Variants in HS6ST3 observed in about 807,000 individuals in gnomAD.
HS6ST3 encodes the protein heparan-sulfate 6-O-sulfotransferase 3.
A neutral mutation model predicts 36.7 loss-of-function variants in HS6ST3; 12 were observed. The ratio of observed to expected loss-of-function variants is 0.33; its 90% CI spans 0.21 to 0.53. The LOEUF (loss-of-function observed/expected upper bound fraction) is 0.53. HS6ST3 is among the 20% of genes least tolerant of loss of function. HS6ST3 has a pLI of 0.95. For synonymous variants in HS6ST3, 240 were observed against 257.5 expected, an observed-to-expected ratio of 0.93 and a Z score of 0.65; for missense variants, 584 against 640.9, an observed-to-expected ratio of 0.91 and a Z score of 0.96.
intron 1 of HS6ST3, among the ~76,000 whole-genome samples, chr13:96,795,004 A>T (rs1877875700): frequency 6.6e-6 from 1 of 152,044 alleles, no homozygotes; most frequent in African/African-American, 2.4e-5. Context: ...GGCAAAGCAT[A>T]TTGATTTTCA....
At chr13:96,803,916 C>T (rs954579534) in intron 1 of HS6ST3, among the ~76,000 whole-genome samples, 6 of 152,092 alleles carry the variant, frequency 3.9e-5, no homozygotes, top group Non-Finnish European at 7.4e-5. Context: ...ACAATTTGTG[C>T]TCTGCAGAAC....
At chr13:96,298,601 T>C (rs1311908675) in intron 1 of HS6ST3, among the ~76,000 whole-genome samples, 1 of 152,232 alleles carries the variant, frequency 6.6e-6, no homozygotes, top group Non-Finnish European at 1.5e-5. Context: ...GAGACATCTC[T>C]AATAGTCTGC....
chr13:96,708,384 G>A (rs1304857088), intron 1 of HS6ST3, among the ~76,000 whole-genome samples: 1 of 152,126 alleles, frequency 6.6e-6, no homozygotes, highest in Non-Finnish European at 1.5e-5. Context: ...TTCTTCCAAA[G>A]CATGTCCAAC....
intron 1 of HS6ST3, among the ~76,000 whole-genome samples, chr13:96,604,979 T>G (rs115366327): frequency 6.6e-6 from 1 of 152,116 alleles, no homozygotes; most frequent in African/African-American, 2.4e-5. Flanking sequence ...GGAGACCTGA[T>G]TGGTGTAGTG....
intron 1 of HS6ST3, among the ~76,000 whole-genome samples, chr13:96,433,919 G>C (rs2055628696): frequency 6.6e-6 from 1 of 152,012 alleles, no homozygotes; most frequent in African/African-American, 2.4e-5. Flanking sequence ...TGGGTGACAA[G>C]AGTGAAACTC....
At chr13:96,596,919 C>G (rs970138699) in intron 1 of HS6ST3, among the ~76,000 whole-genome samples, 6 of 152,070 alleles carry the variant, frequency 3.9e-5, no homozygotes, top group Non-Finnish European at 8.8e-5. Flanking sequence ...ATAGCAAAGA[C>G]ATAGATTCAA....
chr13:96,142,882 AT>A (rs1240046584), intron 1 of HS6ST3, among the ~76,000 whole-genome samples: 2 of 152,134 alleles, frequency 1.3e-5, no homozygotes, highest in Admixed American at 1.3e-4. Flanking sequence ...AACAGTAATA[AT>A]GATAATTCAG....
At chr13:96,152,294 A>G (rs1256962400) in intron 1 of HS6ST3, among the ~76,000 whole-genome samples, 3 of 140,792 alleles carry the variant, frequency 2.1e-5, no homozygotes, top group African/African-American at 7.9e-5. Flanking sequence ...ATACTAAAGT[A>G]TATTTCCAAC....
At chr13:96,699,095 T>G (rs1000679924) in intron 1 of HS6ST3, among the ~76,000 whole-genome samples, 31 of 152,128 alleles carry the variant, frequency 2.0e-4, no homozygotes, top group Admixed American at 6.5e-5. Flanking sequence ...ATACAAAAAT[T>G]AATTCAAGCT....
intron 1 of HS6ST3, among the ~76,000 whole-genome samples, chr13:96,450,519 G>A (rs558604893): frequency 6.6e-6 from 1 of 152,218 alleles, no homozygotes; most frequent in African/African-American, 2.4e-5. Flanking sequence ...TTCTAGCTGG[G>A]ATTTCAATGA....
At chr13:96,153,625 A>G (rs901477600) in intron 1 of HS6ST3, among the ~76,000 whole-genome samples, 20 of 152,240 alleles carry the variant, frequency 1.3e-4, no homozygotes, top group African/African-American at 4.8e-4. Flanking sequence ...CAAATATCAC[A>G]AAAGTGAGCA....
chr13:96,560,326 G>T (rs1172518066), intron 1 of HS6ST3, among the ~76,000 whole-genome samples: 2 of 152,100 alleles, frequency 1.3e-5, no homozygotes, highest in African/African-American at 4.8e-5. Flanking sequence ...CAAGCTTTTA[G>T]CAAGTGTTCA....
At chr13:96,769,289 CTTTA>C (rs1019092890) in intron 1 of HS6ST3, among the ~76,000 whole-genome samples, 9 of 151,984 alleles carry the variant, frequency 5.9e-5, no homozygotes, top group Non-Finnish European at 5.9e-5. Context: ...ACATTCCTGA[CTTTA>C]TTTATTTATT....
intron 1 of HS6ST3, among the ~76,000 whole-genome samples, chr13:96,678,394 G>C (rs367594294): frequency 6.6e-6 from 1 of 152,082 alleles, no homozygotes; most frequent in African/African-American, 2.4e-5. Flanking sequence ...CAGAATAAAG[G>C]CCAGGCTCAG....
chr13:96,704,738 A>G (rs1875375878), intron 1 of HS6ST3, among the ~76,000 whole-genome samples: 1 of 152,094 alleles, frequency 6.6e-6, no homozygotes, highest in Non-Finnish European at 1.5e-5. Flanking sequence ...AGGGAGACTG[A>G]CTCAGAGGAC....
chr13:96,539,930 A>G (rs1330760711), intron 1 of HS6ST3, among the ~76,000 whole-genome samples: 1 of 152,176 alleles, frequency 6.6e-6, no homozygotes, highest in Non-Finnish European at 1.5e-5. Context: ...TAGCCCAGGG[A>G]CTAAACATTC....
At chr13:96,791,185 C>A (rs910787862) in intron 1 of HS6ST3, among the ~76,000 whole-genome samples, 1 of 151,936 alleles carries the variant, frequency 6.6e-6, no homozygotes, top group Admixed American at 6.6e-5. Context: ...ATAATTTTTC[C>A]AAACTATTGA....
At chr13:96,626,931 A>C (rs1221280260) in intron 1 of HS6ST3, among the ~76,000 whole-genome samples, 1 of 152,098 alleles carries the variant, frequency 6.6e-6, no homozygotes, top group East Asian at 1.9e-4. Flanking sequence ...AATCTCATAC[A>C]TTGTAACACT....
intron 1 of HS6ST3, among the ~76,000 whole-genome samples, chr13:96,753,842 C>T (rs765990223): frequency 1.3e-5 from 2 of 151,838 alleles, no homozygotes; most frequent in African/African-American, 2.4e-5. Flanking sequence ...TTTTTTAAGA[C>T]TGAGTCTCGC....
Sources: gnomAD v4.1 joint callset for allele counts (sites outside exome capture counted in the v4.1 genomes callset) on GRCh38, gnomAD v4.1.1 for gene constraint, MANE v1.5 for transcripts, NCBI Gene and HGNC (gene_info 2026-07-23, HGNC 2026-07-21) for gene names.